Variants in CCDC138 observed in about 807,000 individuals in gnomAD.
CCDC138 encodes coiled-coil domain containing 138.
A neutral mutation model predicts 82.3 loss-of-function variants in CCDC138; 66 were observed. The ratio of observed to expected loss-of-function variants is 0.80; its 90% CI spans 0.66 to 0.98. The LOEUF is 0.98. Ranked by LOEUF, CCDC138 falls within the 50% of genes least tolerant of loss-of-function variation. The pLI, the probability that CCDC138 is intolerant of heterozygous loss-of-function variation, is 0.00. For synonymous variants in CCDC138, 297 were observed against 265.4 expected (o/e 1.12, Z -1.16); for missense variants, 816 against 758.9 (o/e 1.08, Z -0.88).
At position 108,832,336 on chromosome 2, in the gene CCDC138, ATTTC is replaced by A. The variant is rs1475752997; in HGVS notation, c.1207-6841_1207-6838del. ...CCCACCACACCTGGCCAGAATTTGT[ATTTC>A]TTTCTTTTTTTTTTTTTTTTTTTTG... On this transcript the variant is annotated intron_variant, in intron 10 of 14. Transcript: ENST00000295124. Among the ~76,000 whole-genome samples the A allele has an allele frequency of 5.6e-3, 714 of 127,748 alleles. 7 individuals carry two copies. The highest frequency in any genetic ancestry group is 0.017 in the African/African-American group (582 of 33,398). The allele number at this position is 127,748 out of a possible 152,430, so 83.8% of individuals were successfully genotyped here.
At chr2:108,852,877 G>T (rs7575262) in intron 12 of CCDC138, among the ~76,000 whole-genome samples, 136,667 of 152,076 alleles carry the variant, frequency 0.9, 61,477 homozygotes, top group East Asian at 1. Context: ...AACCTGCACA[G>T]GTACCCCTGA....
chr2:108,790,646 A>G (rs1459630321), intron 3 of CCDC138, among the ~76,000 whole-genome samples: 3 of 152,212 alleles, frequency 2.0e-5, no homozygotes, highest in Non-Finnish European at 4.4e-5. Flanking sequence ...GGTTGCAGTG[A>G]GCCGAGATCG....
At position 108,816,079 on chromosome 2, in the gene CCDC138, A is replaced by C; in HGVS notation, c.1180A>C (p.Asn394His). The C allele has an allele frequency of 6.2e-7, 1 of 1,612,084 alleles. No individual in the cohort carries two copies. The highest frequency in any genetic ancestry group is 1.7e-4 in the Middle Eastern group (1 of 6,058). ...ACAACTCAAATTTGCTTCCCAGAGA[A>C]ATGATATTCAGGAGAAGTGTGTAAA... ...KPQLKFASQRNDIQEKCVKLL... is the reference protein window; with the variant it reads ...KPQLKFASQRHDIQEKCVKLL... The change falls in exon 10 of 15, where the codon AAT becomes CAT. Residue 394 changes from asparagine to histidine, a missense_variant. Transcript: ENST00000295124.
At chr2:108,839,129 TA>T in intron 10 of CCDC138, 55 bp from the exon 11 acceptor site, 1 of 1,504,258 alleles carries the variant, frequency 6.6e-7, no homozygotes, top group Non-Finnish European at 8.9e-7. Flanking sequence ...GTAATTGATT[TA>T]AGACATTTAA....
At chr2:108,865,789 C>T (rs1694317908) in intron 13 of CCDC138, among the ~76,000 whole-genome samples, 1 of 152,048 alleles carries the variant, frequency 6.6e-6, no homozygotes. Flanking sequence ...GGGTTTTTGC[C>T]TGCTTACTCC....
downstream of CCDC138, among the ~76,000 whole-genome samples, chr2:108,877,918 A>G (rs1272305193): frequency 6.6e-6 from 1 of 152,238 alleles, no homozygotes; most frequent in African/African-American, 2.4e-5. Context: ...CTAGCCTTAT[A>G]GAATGCTGGA....
rs201132350 is a variant in CCDC138 at position 108,861,472 on chromosome 2, CTTTTTTTTTTTTT to C, written c.1693+4516_1693+4528del. On this transcript the variant is annotated intron_variant, in intron 13 of 14. Transcript: ENST00000295124. ...ACATTTAGCACTATAAACTTTCTTC[CTTTTTTTTTTTTT>C]TTTTTTTTTTTTTGAGATGGAGTCT... Among the ~76,000 whole-genome samples, 252 of 123,478 alleles carry C rather than the reference CTTTTTTTTTTTTT, an allele frequency of 2.0e-3. 2 individuals carry two copies. Among genetic ancestry groups the C allele is most frequent in the East Asian group, 8.4e-3 (38 of 4,536 alleles). The allele number at this position is 123,478 out of a possible 152,430, so 81.0% of individuals were successfully genotyped here.
intron 13 of CCDC138, among the ~76,000 whole-genome samples, chr2:108,859,643 C>G (rs979627042): frequency 1.3e-5 from 2 of 152,036 alleles, no homozygotes; most frequent in African/African-American, 4.8e-5. Context: ...TTTCTCTATT[C>G]TGTTCCATTG....
rs575069969 is a variant in CCDC138 at position 108,846,883 on chromosome 2, C to T, written c.1469C>T (p.Pro490Leu). The T allele has an allele frequency of 1.2e-6, 2 of 1,613,300 alleles. No homozygotes were observed. Among genetic ancestry groups the T allele is most frequent in the East Asian group, 2.2e-5 (1 of 44,816 alleles). ...GCTTTCTTTAAGAGCTCCAATTTGCCATTGAGATTTTTATCAACCTTAATT... is the reference window on the plus strand; with the variant it reads ...GCTTTCTTTAAGAGCTCCAATTTGCTATTGAGATTTTTATCAACCTTAATT... Reference protein sequence around the residue: ...TAAFFKSSNLPLRFLSTLIVL... With the variant: ...TAAFFKSSNLLLRFLSTLIVL... The change falls in exon 12 of 15, where the codon CCA becomes CTA. Residue 490 changes from proline to leucine, a missense_variant. Coordinates refer to ENST00000295124, the MANE Select transcript of CCDC138 (RefSeq NM_144978.3).
rs184061307 is a variant in CCDC138, at chr2:108,800,368, G to A, written c.735+1782G>A. Among the ~76,000 whole-genome samples, 725 of 152,118 alleles carry A rather than the reference G, an allele frequency of 4.8e-3. 4 individuals are homozygous for A. Among genetic ancestry groups the A allele is most frequent in the African/African-American group, 0.016 (656 of 41,504 alleles). Reference sequence around the variant, plus strand: ...CAACCTCCACTTCCTGGGTTCAAGCGATTCTCCTGCCTTAATCTCCTGAGT... The same window carrying A: ...CAACCTCCACTTCCTGGGTTCAAGCAATTCTCCTGCCTTAATCTCCTGAGT... On this transcript the variant is annotated intron_variant, in intron 6 of 14. Transcript: ENST00000295124.
At chr2:108,847,524 C>T (rs1355959362) in intron 12 of CCDC138, among the ~76,000 whole-genome samples, 1 of 152,122 alleles carries the variant, frequency 6.6e-6, no homozygotes, top group Non-Finnish European at 1.5e-5. Flanking sequence ...TGTAGTGCTT[C>T]ATATATAATA....
chr2:108,874,454 TCCTTTGAGGCAAATCTGGACA>T (rs1342783187), intron 14 of CCDC138, among the ~76,000 whole-genome samples: 3 of 152,218 alleles, frequency 2.0e-5, no homozygotes, highest in African/African-American at 7.2e-5. Flanking sequence ...CTGTAGTGTT[TCCTTTGAGGCAAATCTGGACA>T]CCTTCTATCT....
At chr2:108,883,376 G>A (rs1446071566) in intron 2 of CCDC138, 2 of 152,182 alleles carry the variant, frequency 1.3e-5, no homozygotes, top group Non-Finnish European at 2.9e-5. Flanking sequence ...CACCTGCACG[G>A]GGCCATGTGC....
At chr2:108,831,381 T>C (rs1432277408) in intron 10 of CCDC138, among the ~76,000 whole-genome samples, 3 of 152,182 alleles carry the variant, frequency 2.0e-5, no homozygotes, top group Non-Finnish European at 4.4e-5. Flanking sequence ...GGACAAAATA[T>C]GCCAAATCTT....
chr2:108,803,647 C>T (rs370114062), intron 6 of CCDC138, among the ~76,000 whole-genome samples: 11 of 152,228 alleles, frequency 7.2e-5, no homozygotes, highest in African/African-American at 2.2e-4. Context: ...GGGACCCACC[C>T]TGAGGCAAAA....
chr2:108,796,349 T>C (rs139858619), intron 5 of CCDC138, among the ~76,000 whole-genome samples: 75 of 152,216 alleles, frequency 4.9e-4, no homozygotes, highest in African/African-American at 1.6e-3. Flanking sequence ...CCACCGCGCC[T>C]GGCCAAATCA....
At chr2:108,812,554 A>G (rs548610167) in intron 7 of CCDC138, 77 bp from the exon 8 acceptor site, 8 of 1,018,560 alleles carry the variant, frequency 7.9e-6, no homozygotes, top group Non-Finnish European at 7.7e-6. Flanking sequence ...ACCAGATTAG[A>G]TAGTAGATTG....
At chr2:108,831,827 G>C (rs1056181761) in intron 10 of CCDC138, among the ~76,000 whole-genome samples, 2 of 151,904 alleles carry the variant, frequency 1.3e-5, no homozygotes, top group African/African-American at 4.8e-5. Context: ...CTGCCTCCTG[G>C]GTTCAAGCGA....
chr2:108,843,148 TTAGAG>T (rs1296503449), intron 11 of CCDC138, among the ~76,000 whole-genome samples: 8 of 152,146 alleles, frequency 5.3e-5, no homozygotes, highest in African/African-American at 1.7e-4. Context: ...TATCTGTTCT[TTAGAG>T]TAGTTATTTT....
Sources: allele counts gnomAD v4.1 joint callset (sites outside exome capture counted in the v4.1 genomes callset), GRCh38; gene constraint gnomAD v4.1.1; transcripts MANE v1.5; gene names NCBI Gene and HGNC (gene_info 2026-07-23, HGNC 2026-07-21).